The following ANK3 variants were observed in gnomAD, a reference collection of about 807,000 sequenced individuals.
The protein encoded by ANK3 is ankyrin-3.
A neutral mutation model predicts 370.9 loss-of-function variants in ANK3; 57 were observed. The observed-to-expected ratio is 0.15, with a 90% CI of 0.12 to 0.19. The LOEUF is 0.19. Ranked by LOEUF, ANK3 falls within the 10% of genes least tolerant of loss-of-function variation. The probability of loss-of-function intolerance (pLI) is 1.00; values close to 1 mark genes in which losing one functional copy is unlikely to be tolerated. For missense variants in ANK3, 4,439 were observed against 5,302.1 expected (o/e 0.84, Z 5.06); for synonymous variants, 1,929 against 1,946.3 (o/e 0.99, Z 0.23).
chr10:60,573,103 G>C, intron 2 of ANK3: 1 of 663,310 alleles, frequency 1.5e-6, no homozygotes, highest in Non-Finnish European at 1.9e-6. Flanking sequence ...GAGGCAGTCG[G>C]GAGAGTGATA....
In ANK3 at chr10:60,631,385, A is replaced by T. The variant is rs2078481635; in HGVS notation, c.58-16161T>A. ...CTACTAAAAATACCAAAAAAAAATTATCTGGGCATGGAGGTGCGTGCCTCT... is the reference window on the plus strand; with the variant it reads ...CTACTAAAAATACCAAAAAAAAATTTTCTGGGCATGGAGGTGCGTGCCTCT... On this transcript the variant is annotated intron_variant, in intron 1 of 43. Coordinates refer to the ANK3 transcript ENST00000373827. Among the ~76,000 whole-genome samples the T allele has an allele frequency of 2.0e-5, 3 of 152,000 alleles. No individual in the cohort carries two copies. In the South Asian group the frequency reaches 6.2e-4, roughly 32 times the overall value.
At chr10:60,436,088 C>CAA (rs33919087) in intron 2 of ANK3, among the ~76,000 whole-genome samples, 11,364 of 144,950 alleles carry the variant, frequency 0.078, 815 homozygotes, top group East Asian at 0.22. Flanking sequence ...GACTCCGTCT[C>CAA]AAAAAAAAAT....
chr10:60,260,810 G>C (rs1185274542), intron 7 of ANK3, among the ~76,000 whole-genome samples: 1 of 152,056 alleles, frequency 6.6e-6, no homozygotes, highest in East Asian at 1.9e-4. Context: ...GTTTCCTGAG[G>C]CCTCCCCAGG....
At chr10:60,051,364 A>G in intron 42 of ANK3, 3 of 394,012 alleles carry the variant, frequency 7.6e-6, no homozygotes, top group Non-Finnish European at 1.0e-5. Context: ...AAGCCATTTC[A>G]TTATCAAGCA....
chr10:60,452,128 G>A (rs1462876222), intron 2 of ANK3, among the ~76,000 whole-genome samples: 1 of 152,228 alleles, frequency 6.6e-6, no homozygotes, highest in African/African-American at 2.4e-5. Context: ...GACCCTAGGG[G>A]TAAGAAAGGA....
At chr10:60,437,322 G>A (rs1245060940) in intron 2 of ANK3, among the ~76,000 whole-genome samples, 1 of 152,172 alleles carries the variant, frequency 6.6e-6, no homozygotes, top group African/African-American at 2.4e-5. Flanking sequence ...CTAGGCAAAG[G>A]TGGACAGGAT....
intron 2 of ANK3, among the ~76,000 whole-genome samples, chr10:60,464,369 A>AT (rs1174361338): frequency 1.3e-5 from 2 of 151,988 alleles, no homozygotes; most frequent in Non-Finnish European, 2.9e-5. Context: ...CCTAAAAAAT[A>AT]TTTTTTCTGA....
chr10:60,631,804 C>A (rs1041110479), intron 1 of ANK3, among the ~76,000 whole-genome samples: 1 of 152,146 alleles, frequency 6.6e-6, no homozygotes, highest in East Asian at 1.9e-4. Flanking sequence ...ATAAAAATTA[C>A]CTCTAATCCT....
chr10:60,130,220 C>T (rs1253173633), intron 25 of ANK3, among the ~76,000 whole-genome samples: 1 of 152,182 alleles, frequency 6.6e-6, no homozygotes, highest in Non-Finnish European at 1.5e-5. Context: ...ACTCCCCTCC[C>T]CCAGCTCTGG....
rs943080844 is a variant in ANK3 at position 60,063,322 on chromosome 10, A to G, written c.12452-68T>C. The G allele has an allele frequency of 3.4e-6, 5 of 1,475,022 alleles. No homozygotes were observed. The Admixed American group carries it at 6.7e-5, about 20-fold the overall frequency. 91.4% of individuals were successfully genotyped at this position (1,475,022 alleles called of 1,614,324 possible). ...TTCTTTCAGTCAGCACAATATCTACACAAAGGCATGGCTTTTGCAGCCCTG... is the reference window on the plus strand; with the variant it reads ...TTCTTTCAGTCAGCACAATATCTACGCAAAGGCATGGCTTTTGCAGCCCTG... On this transcript the variant is annotated intron_variant, in intron 39 of 43. Transcript: ENST00000280772.
intron 1 of ANK3, among the ~76,000 whole-genome samples, chr10:60,358,001 T>C (rs1009359378): frequency 5.3e-5 from 8 of 152,102 alleles, no homozygotes; most frequent in African/African-American, 1.7e-4. Flanking sequence ...CATTATCTCC[T>C]GTCCCTTTTA....
chr10:60,207,984 G>T, intron 10 of ANK3, 52 bp downstream of exon 10: 2 of 1,481,396 alleles, frequency 1.4e-6, no homozygotes, highest in Non-Finnish European at 1.9e-6. Flanking sequence ...TACAGAGGCA[G>T]CACGTTGTGA....
At chr10:60,285,525 C>A (rs946469745) in intron 1 of ANK3, among the ~76,000 whole-genome samples, 4 of 146,306 alleles carry the variant, frequency 2.7e-5, no homozygotes, top group African/African-American at 4.9e-5. Flanking sequence ...TGAAAATCTT[C>A]CCTCGAGCTT....
intron 1 of ANK3, among the ~76,000 whole-genome samples, chr10:60,358,094 A>ATG (rs1340344791): frequency 6.2e-5 from 8 of 129,820 alleles, no homozygotes; most frequent in Non-Finnish European, 4.9e-5. Flanking sequence ...AAACATGCAT[A>ATG]TGTATACACA....
chr10:60,398,603 G>T (rs2063291774), intron 2 of ANK3, among the ~76,000 whole-genome samples: 1 of 152,120 alleles, frequency 6.6e-6, no homozygotes, highest in Non-Finnish European at 1.5e-5. Flanking sequence ...ATGTTGCTAT[G>T]TACATTTTCT....
At chr10:60,271,205 G>A (rs1349219749) in intron 4 of ANK3, among the ~76,000 whole-genome samples, 1 of 151,594 alleles carries the variant, frequency 6.6e-6, no homozygotes, top group East Asian at 1.9e-4. Flanking sequence ...TTGAGACAGG[G>A]TCTCGCTCCA....
Position 60,086,991 on chromosome 10 carries a change from CAAAAA to C in ANK3, c.3541-112_3541-108del, listed in dbSNP as rs34256603. 63 of 144,730 alleles carry C rather than the reference CAAAAA, an allele frequency of 4.4e-4. No homozygotes were observed. In the South Asian group the frequency reaches 7.3e-3, roughly 17 times the overall value. 9.0% of individuals were successfully genotyped at this position (144,730 alleles called of 1,614,324 possible). A position where few individuals can be genotyped will look rare whatever the true frequency, so the allele number is the denominator to read the frequency against. On this transcript the variant is annotated intron_variant, in intron 29 of 43. Transcript: ENST00000280772. ...AAGGAAAAAAACAAAAACAGACAACCAAAAAAAAAAAAAAAAAACCCAGGTCTTTT... is the reference window on the plus strand; with the variant it reads ...AAGGAAAAAAACAAAAACAGACAACCAAAAAAAAAAAAACCCAGGTCTTTT...
chr10:60,327,011 G>C (rs1179345716), intron 1 of ANK3, among the ~76,000 whole-genome samples: 2 of 133,572 alleles, frequency 1.5e-5, no homozygotes, highest in African/African-American at 7.6e-5. Flanking sequence ...CCGAGACTCC[G>C]TCTCAAAAAA....
intron 43 of ANK3, among the ~76,000 whole-genome samples, chr10:60,033,215 CA>C (rs1564511450): frequency 6.6e-6 from 1 of 151,864 alleles, no homozygotes; most frequent in Non-Finnish European, 1.5e-5. Context: ...TATACGAAAA[CA>C]GGGCCACGCA....
Sources: gnomAD v4.1 joint callset for allele counts (sites outside exome capture counted in the v4.1 genomes callset) on GRCh38, gnomAD v4.1.1 for gene constraint, MANE v1.5 for transcripts, NCBI Gene and HGNC (gene_info 2026-07-23, HGNC 2026-07-21) for gene names.